Variants in CACNA2D3 observed in about 807,000 individuals in gnomAD.
CACNA2D3 encodes the protein calcium voltage-gated channel auxiliary subunit alpha2delta 3, also known as voltage-dependent calcium channel subunit alpha-2/delta-3.
CACNA2D3 carries 60 observed loss-of-function variants against 160.6 expected under a neutral mutation model. The observed-to-expected ratio is 0.37, with a 90% confidence interval of 0.30 to 0.46. The LOEUF is 0.46. Ranked by LOEUF, CACNA2D3 falls within the 20% of genes least tolerant of loss-of-function variation. CACNA2D3 has a pLI of 1.00. For synonymous variants in CACNA2D3, 558 were observed against 492.9 expected, an observed-to-expected ratio of 1.13 and a Z score of -1.75; for missense variants, 1,205 against 1,365.0, an observed-to-expected ratio of 0.88 and a Z score of 1.85.
At chr3:54,955,982 G>C (rs1701880845) in intron 27 of CACNA2D3, among the ~76,000 whole-genome samples, 1 of 152,184 alleles carries the variant, frequency 6.6e-6, no homozygotes, top group Non-Finnish European at 1.5e-5. Context: ...CATATTCTAA[G>C]GTCCTGAGAT....
chr3:54,544,554 C>T (rs577426013), intron 5 of CACNA2D3, among the ~76,000 whole-genome samples: 46 of 152,230 alleles, frequency 3.0e-4, no homozygotes, highest in African/African-American at 1.0e-3. Context: ...TAGGTGTGCA[C>T]CACTGTGCCT....
chr3:54,220,263 A>G (rs1223864389), intron 2 of CACNA2D3, among the ~76,000 whole-genome samples: 1 of 152,176 alleles, frequency 6.6e-6, no homozygotes, highest in African/African-American at 2.4e-5. Context: ...CATTTGAGAC[A>G]TAATTGCTCT....
At chr3:54,608,710 G>A (rs1698686183) in intron 9 of CACNA2D3, among the ~76,000 whole-genome samples, 1 of 152,220 alleles carries the variant, frequency 6.6e-6, no homozygotes. Flanking sequence ...TGATGAACAT[G>A]ACTCTTGCAG....
chr3:54,894,666 G>C, intron 25 of CACNA2D3: 2 of 506,832 alleles, frequency 3.9e-6, no homozygotes, highest in South Asian at 2.9e-5. Flanking sequence ...TGTGACCCAG[G>C]GTAGAGAGTA....
At chr3:54,136,863 AC>A (rs1166322213) in intron 2 of CACNA2D3, among the ~76,000 whole-genome samples, 9 of 152,228 alleles carry the variant, frequency 5.9e-5, no homozygotes, top group African/African-American at 2.2e-4. Flanking sequence ...ATGTGAACAG[AC>A]ATCTCAGGTG....
intron 3 of CACNA2D3, chr3:54,386,096 G>C: frequency 2.6e-6 from 1 of 384,692 alleles, no homozygotes; most frequent in South Asian, 1.9e-5. Flanking sequence ...CGCTGGCTGA[G>C]AAGAATAACA....
intron 13 of CACNA2D3, among the ~76,000 whole-genome samples, chr3:54,795,426 T>TA (rs1702848273): frequency 7.3e-6 from 1 of 137,644 alleles, no homozygotes; most frequent in South Asian, 2.2e-4. Flanking sequence ...CATTTTCCCA[T>TA]TTATATAGTA....
At chr3:54,139,954 C>T (rs1036393657) in intron 2 of CACNA2D3, among the ~76,000 whole-genome samples, 9 of 152,178 alleles carry the variant, frequency 5.9e-5, no homozygotes, top group Non-Finnish European at 7.3e-5. Context: ...TTCCTGAAAC[C>T]GGAAGCTGGC....
At chr3:54,908,192 A>G (rs80120384) in intron 27 of CACNA2D3, among the ~76,000 whole-genome samples, 13,497 of 152,208 alleles carry the variant, frequency 0.089, 714 homozygotes, top group Non-Finnish European at 0.12. Flanking sequence ...GAACATTCCA[A>G]TTTTTCTACA....
At chr3:54,283,441 A>G (rs769357399) in intron 2 of CACNA2D3, among the ~76,000 whole-genome samples, 2 of 152,250 alleles carry the variant, frequency 1.3e-5, no homozygotes, top group African/African-American at 2.4e-5. Flanking sequence ...TTAGCAGAGT[A>G]TTAAACATGA....
intron 10 of CACNA2D3, among the ~76,000 whole-genome samples, chr3:54,636,693 A>T (rs1246872091): frequency 1.3e-5 from 2 of 151,974 alleles, no homozygotes; most frequent in African/African-American, 4.8e-5. Context: ...ATGCCTAGGA[A>T]GGAAAGGAGT....
At chr3:55,027,877 C>G (rs921994314) in intron 35 of CACNA2D3, among the ~76,000 whole-genome samples, 1 of 152,190 alleles carries the variant, frequency 6.6e-6, no homozygotes, top group Non-Finnish European at 1.5e-5. Flanking sequence ...CATAGAGCAA[C>G]AATCCCAAAG....
intron 11 of CACNA2D3, among the ~76,000 whole-genome samples, chr3:54,665,432 C>T (rs889411519): frequency 6.6e-6 from 1 of 152,192 alleles, no homozygotes; most frequent in African/African-American, 2.4e-5. Flanking sequence ...CCTTCTTGCT[C>T]AATGAACAAA....
At chr3:54,141,078 TGTGTGTGTGCGCGC>T in intron 2 of CACNA2D3, among the ~76,000 whole-genome samples, 1 of 121,306 alleles carries the variant, frequency 8.2e-6, no homozygotes, top group East Asian at 2.3e-4. Context: ...TGTGTGTGTG[TGTGTGTGTGCGCGC>T]GCGCGCGTGT....
chr3:54,526,514 G>A (rs1330900006), intron 5 of CACNA2D3, among the ~76,000 whole-genome samples: 2 of 152,086 alleles, frequency 1.3e-5, no homozygotes, highest in Non-Finnish European at 2.9e-5. Flanking sequence ...GTGACTGGCT[G>A]GATTATCTTA....
intron 2 of CACNA2D3, among the ~76,000 whole-genome samples, chr3:54,204,797 A>AAG (rs2107353852): frequency 2.3e-5 from 1 of 43,122 alleles, no homozygotes; most frequent in African/African-American, 2.9e-4. Flanking sequence ...TGCTGTCTTG[A>AAG]AAAAAAAAAA....
At chr3:54,976,089 A>G (rs1702386585) in intron 29 of CACNA2D3, among the ~76,000 whole-genome samples, 1 of 143,700 alleles carries the variant, frequency 7.0e-6, no homozygotes, top group Non-Finnish European at 1.6e-5. Flanking sequence ...ACACACACAC[A>G]CACATTATAT....
At chr3:55,062,972 T>C (rs1012567271) in intron 35 of CACNA2D3, among the ~76,000 whole-genome samples, 1 of 152,216 alleles carries the variant, frequency 6.6e-6, no homozygotes, top group African/African-American at 2.4e-5. Flanking sequence ...AAAGTCGCTG[T>C]GAGCATTTAA....
intron 11 of CACNA2D3, among the ~76,000 whole-genome samples, chr3:54,671,710 A>G (rs1700166741): frequency 6.6e-6 from 1 of 152,164 alleles, no homozygotes; most frequent in Non-Finnish European, 1.5e-5. Context: ...GCAATAGTCC[A>G]TGGAGGGAGG....
Sources: gnomAD v4.1 joint callset for allele counts (sites outside exome capture counted in the v4.1 genomes callset) on GRCh38, gnomAD v4.1.1 for gene constraint, MANE v1.5 for transcripts, NCBI Gene and HGNC (gene_info 2026-07-23, HGNC 2026-07-21) for gene names.